Variants in TEX36 observed in about 807,000 individuals in gnomAD.
TEX36 encodes testis expressed 36.
A neutral mutation model predicts 13.6 loss-of-function variants in TEX36; 12 were observed. The observed-to-expected ratio is 0.88, with a 90% CI of 0.56 to 1.43. TEX36 has a LOEUF of 1.43. Ranked by LOEUF, TEX36 falls within the 40% of genes most tolerant of loss-of-function variation. The pLI is 0.00. For synonymous variants in TEX36, 93 were observed against 83.0 expected (o/e 1.12, Z -0.65); for missense variants, 224 against 228.3 (o/e 0.98, Z 0.12).
intron 1 of TEX36, among the ~76,000 whole-genome samples, chr10:125,674,976 C>T (rs1369234142): frequency 6.6e-6 from 1 of 152,254 alleles, no homozygotes; most frequent in African/African-American, 2.4e-5. Context: ...GGAATCTCCG[C>T]TCATCCAGAT....
chr10:125,642,844 ATTGG>A (rs532374798), intron 3 of TEX36, among the ~76,000 whole-genome samples: 3 of 152,028 alleles, frequency 2.0e-5, no homozygotes, highest in African/African-American at 7.3e-5. Flanking sequence ...ATTTAATCGC[ATTGG>A]TTGGTTGGTT....
intron 3 of TEX36, among the ~76,000 whole-genome samples, chr10:125,579,871 G>A (rs961500553): frequency 6.6e-6 from 1 of 152,098 alleles, no homozygotes; most frequent in Non-Finnish European, 1.5e-5. Flanking sequence ...GTGGAACTGT[G>A]AGGAAATTAA....
chr10:125,580,630 ACATT>A (rs937158218), intron 3 of TEX36, among the ~76,000 whole-genome samples: 1 of 152,180 alleles, frequency 6.6e-6, no homozygotes, highest in Non-Finnish European at 1.5e-5. Context: ...CCAAGGGCCC[ACATT>A]ACTGAAGCCC....
chr10:125,681,266 C>T (rs961075055), intron 1 of TEX36, among the ~76,000 whole-genome samples: 15 of 152,170 alleles, frequency 9.9e-5, no homozygotes, highest in African/African-American at 2.7e-4. Flanking sequence ...GCTGTACTAG[C>T]CTGGGATGGC....
intron 3 of TEX36, among the ~76,000 whole-genome samples, chr10:125,610,242 G>A (rs1846273381): frequency 6.6e-6 from 1 of 152,188 alleles, no homozygotes; most frequent in African/African-American, 2.4e-5. Flanking sequence ...CTCTGCCTAT[G>A]GAGTAGCCAC....
downstream of TEX36, among the ~76,000 whole-genome samples, chr10:125,654,136 C>T (rs1297696280): frequency 1.3e-5 from 2 of 151,878 alleles, no homozygotes; most frequent in East Asian, 1.9e-4. Flanking sequence ...TTAGAAAAAT[C>T]GAGAAGAGAA....
intron 3 of TEX36, among the ~76,000 whole-genome samples, chr10:125,659,420 T>C (rs1055307764): frequency 6.6e-6 from 1 of 152,236 alleles, no homozygotes; most frequent in Non-Finnish European, 1.5e-5. Flanking sequence ...CAGTGAATCG[T>C]CAAGGTCAGA....
At chr10:125,604,309 T>G (rs566046084) in intron 3 of TEX36, among the ~76,000 whole-genome samples, 70 of 152,244 alleles carry the variant, frequency 4.6e-4, no homozygotes, top group Middle Eastern at 3.4e-3. Flanking sequence ...AGATCTGGAG[T>G]GGCATTAGAT....
intron 3 of TEX36, among the ~76,000 whole-genome samples, chr10:125,583,239 T>C (rs543760716): frequency 5.9e-5 from 9 of 152,348 alleles, no homozygotes; most frequent in African/African-American, 2.2e-4. Context: ...TCTTAGTTCA[T>C]TTGTGCTGCC....
At position 125,577,475 on chromosome 10, in the gene TEX36, G is replaced by A. The variant is rs150731721; in HGVS notation, c.265-601C>T. Among the ~76,000 whole-genome samples, 1,395 of 152,178 alleles carry A rather than the reference G, an allele frequency of 9.2e-3. 9 individuals are homozygous for A. Among genetic ancestry groups the A allele is most frequent in the Middle Eastern group, 0.034 (10 of 292 alleles). On this transcript the variant is annotated intron_variant, in intron 3 of 3. Coordinates refer to the TEX36 transcript ENST00000532135. ...GATTGCACCAGTGCACTCCAGCCTG[G>A]GGTACAGAGTGAGACTGTGTCTCAA...
chr10:125,676,533 C>A (rs2133612655), intron 1 of TEX36, among the ~76,000 whole-genome samples: 1 of 152,124 alleles, frequency 6.6e-6, no homozygotes, highest in Admixed American at 6.5e-5. Flanking sequence ...TTGTAAGCAG[C>A]ATATAGTTGG....
At chr10:125,625,482 A>G (rs1846475729) in intron 3 of TEX36, among the ~76,000 whole-genome samples, 1 of 152,234 alleles carries the variant, frequency 6.6e-6, no homozygotes, top group Non-Finnish European at 1.5e-5. Flanking sequence ...AGTTTAGTCT[A>G]AAAATGTTAG....
At chr10:125,594,995 A>G (rs925184941) in intron 3 of TEX36, among the ~76,000 whole-genome samples, 2 of 152,238 alleles carry the variant, frequency 1.3e-5, no homozygotes, top group African/African-American at 4.8e-5. Context: ...ACTATTAAGC[A>G]TATAAAGGGG....
At chr10:125,635,228 A>G (rs1000005590) in intron 3 of TEX36, among the ~76,000 whole-genome samples, 7 of 152,146 alleles carry the variant, frequency 4.6e-5, no homozygotes, top group Non-Finnish European at 7.4e-5. Context: ...CCAGAAAGGG[A>G]TCCTGCATGC....
chr10:125,612,300 T>C (rs1425362282), intron 3 of TEX36, among the ~76,000 whole-genome samples: 1 of 139,032 alleles, frequency 7.2e-6, no homozygotes, highest in Non-Finnish European at 1.6e-5. Context: ...GTCAGGCTGG[T>C]CTTGAATTCC....
downstream of TEX36, among the ~76,000 whole-genome samples, chr10:125,651,864 G>A (rs758157968): frequency 2.0e-5 from 3 of 152,160 alleles, no homozygotes; most frequent in Non-Finnish European, 4.4e-5. Context: ...CACAAACAGT[G>A]AGCCAAATCA....
chr10:125,596,630 T>C (rs540706617), intron 3 of TEX36, among the ~76,000 whole-genome samples: 8 of 152,356 alleles, frequency 5.3e-5, no homozygotes, highest in African/African-American at 1.7e-4. Flanking sequence ...AGCCATTACA[T>C]TTGTGGCAAT....
chr10:125,580,285 T>A (rs1845868201), intron 3 of TEX36, among the ~76,000 whole-genome samples: 1 of 152,222 alleles, frequency 6.6e-6, no homozygotes, highest in Non-Finnish European at 1.5e-5. Flanking sequence ...AAAGCGTGAC[T>A]CTAACTAAAA....
intron 3 of TEX36, among the ~76,000 whole-genome samples, chr10:125,604,405 G>C (rs1846189711): frequency 6.6e-6 from 1 of 152,196 alleles, no homozygotes; most frequent in Non-Finnish European, 1.5e-5. Context: ...CCTGGGCACG[G>C]TGGCTCATGC....
Sources: allele counts gnomAD v4.1 joint callset (sites outside exome capture counted in the v4.1 genomes callset), GRCh38; gene constraint gnomAD v4.1.1; transcripts MANE v1.5; gene names NCBI Gene and HGNC (gene_info 2026-07-23, HGNC 2026-07-21).